KCNH7: variants seen among roughly 807,000 people sequenced by gnomAD.
The protein encoded by KCNH7 is voltage-gated inwardly rectifying potassium channel KCNH7.
A neutral mutation model predicts 120.8 loss-of-function variants in KCNH7; 49 were observed. That is an observed-to-expected ratio of 0.41 (90% CI 0.32 to 0.51). The LOEUF is 0.51. KCNH7 is among the 20% of genes least tolerant of loss of function. The pLI, the probability that KCNH7 is intolerant of heterozygous loss-of-function variation, is 0.38. For synonymous variants in KCNH7, 547 were observed against 516.1 expected (o/e 1.06, Z -0.81); for missense variants, 1,097 against 1,446.6 (o/e 0.76, Z 3.92).
chr2:162,593,056 C>T (rs149975761), intron 2 of KCNH7, among the ~76,000 whole-genome samples: 1 of 152,010 alleles, frequency 6.6e-6, no homozygotes, highest in East Asian at 1.9e-4. Flanking sequence ...TGCCAAGGGC[C>T]AAAAAATAAA....
At chr2:162,780,415 C>G (rs1444393224) in intron 2 of KCNH7, among the ~76,000 whole-genome samples, 1 of 152,122 alleles carries the variant, frequency 6.6e-6, no homozygotes, top group Non-Finnish European at 1.5e-5. Flanking sequence ...TAATCATTTA[C>G]TACCACTACA....
At chr2:162,584,187 G>A (rs1693957565) in intron 2 of KCNH7, among the ~76,000 whole-genome samples, 1 of 152,000 alleles carries the variant, frequency 6.6e-6, no homozygotes, top group Non-Finnish European at 1.5e-5. Flanking sequence ...CAGGTGTATA[G>A]GCCTCTAATA....
intron 2 of KCNH7, among the ~76,000 whole-genome samples, chr2:162,593,314 GATA>G (rs1694274568): frequency 2.0e-5 from 3 of 152,064 alleles, no homozygotes; most frequent in Admixed American, 6.6e-5. Context: ...GTATAGTGGG[GATA>G]ATAATATAGG....
chr2:162,755,529 T>C (rs1688760132), intron 2 of KCNH7, among the ~76,000 whole-genome samples: 1 of 152,032 alleles, frequency 6.6e-6, no homozygotes, highest in Non-Finnish European at 1.5e-5. Flanking sequence ...TTATTTAATG[T>C]AGTTTGTTTA....
chr2:162,400,796 T>C (rs1687044524), intron 9 of KCNH7, among the ~76,000 whole-genome samples: 2 of 151,912 alleles, frequency 1.3e-5, no homozygotes, highest in African/African-American at 4.8e-5. Flanking sequence ...ACGTAACTAA[T>C]GAAAGGTGGT....
intron 7 of KCNH7, among the ~76,000 whole-genome samples, chr2:162,442,297 A>G (rs1688448508): frequency 6.6e-6 from 1 of 151,754 alleles, no homozygotes; most frequent in African/African-American, 2.4e-5. Flanking sequence ...AAGTGCTGGG[A>G]TTACAGGCGT....
At chr2:162,518,289 G>T in intron 3 of KCNH7, 131 bp from the exon 4 acceptor site, 2 of 691,740 alleles carry the variant, frequency 2.9e-6, no homozygotes, top group Non-Finnish European at 4.7e-6. Context: ...AGTTGGAATA[G>T]AGGATATTGT....
At chr2:162,399,457 GGT>G in intron 10 of KCNH7, among the ~76,000 whole-genome samples, 1 of 151,466 alleles carries the variant, frequency 6.6e-6, no homozygotes, top group East Asian at 2.0e-4. Flanking sequence ...GTGCCATGTT[GGT>G]GTGCTGCACC....
chr2:162,582,166 G>A (rs1359669798), intron 2 of KCNH7, among the ~76,000 whole-genome samples: 1 of 152,092 alleles, frequency 6.6e-6, no homozygotes, highest in Non-Finnish European at 1.5e-5. Context: ...TGCTGGAATA[G>A]GATGTAAGAC....
At position 162,644,828 on chromosome 2, in the gene KCNH7, G is replaced by A. The variant is rs556710837; in HGVS notation, c.308-107748C>T. Among the ~76,000 whole-genome samples the A allele has an allele frequency of 4.6e-5, 7 of 152,182 alleles. No homozygotes were observed. The East Asian group carries it at 1.4e-3, about 29-fold the overall frequency. On this transcript the variant is annotated intron_variant, in intron 2 of 15. Transcript: ENST00000332142. ...AAACCTTTAAACCTCCTTACAGCAA[G>A]TGAAGACTATATTTAACACACTGCT...
chr2:162,529,653 T>A (rs529500762), intron 3 of KCNH7, among the ~76,000 whole-genome samples: 1 of 151,980 alleles, frequency 6.6e-6, no homozygotes, highest in Non-Finnish European at 1.5e-5. Context: ...CAAGAATGCA[T>A]AATTTGTTTC....
At chr2:162,737,746 G>A (rs1687967199) in intron 2 of KCNH7, among the ~76,000 whole-genome samples, 1 of 152,126 alleles carries the variant, frequency 6.6e-6, no homozygotes, top group Admixed American at 6.6e-5. Context: ...GCCAAGCACA[G>A]GATGATACAG....
chr2:162,458,400 A>T (rs1277387313), intron 6 of KCNH7, among the ~76,000 whole-genome samples: 1 of 152,114 alleles, frequency 6.6e-6, no homozygotes, highest in African/African-American at 2.4e-5. Context: ...CCCACCAGCA[A>T]CATAATGCCT....
At chr2:162,475,681 T>A (rs1196178715) in intron 6 of KCNH7, among the ~76,000 whole-genome samples, 1 of 152,166 alleles carries the variant, frequency 6.6e-6, no homozygotes, top group Non-Finnish European at 1.5e-5. Context: ...CTATGTATTA[T>A]CCCCCAAATA....
intron 2 of KCNH7, among the ~76,000 whole-genome samples, chr2:162,547,145 T>C (rs1196365882): frequency 1.3e-5 from 2 of 152,088 alleles, no homozygotes; most frequent in Admixed American, 6.5e-5. Context: ...GGAGGAAAAC[T>C]ACCATTTATA....
intron 2 of KCNH7, among the ~76,000 whole-genome samples, chr2:162,715,888 T>A (rs186065509): frequency 2.0e-5 from 3 of 152,152 alleles, no homozygotes; most frequent in African/African-American, 7.2e-5. Context: ...ATGTATAGAT[T>A]AATTTGGGTT....
intron 6 of KCNH7, among the ~76,000 whole-genome samples, chr2:162,484,141 A>T (rs184689408): frequency 4.6e-5 from 7 of 152,198 alleles, no homozygotes; most frequent in Admixed American, 4.6e-4. Context: ...AGCAGTTTTG[A>T]TATTGGGAAG....
At chr2:162,633,319 C>T (rs1416049635) in intron 2 of KCNH7, among the ~76,000 whole-genome samples, 3 of 151,824 alleles carry the variant, frequency 2.0e-5, no homozygotes, top group Admixed American at 2.0e-4. Context: ...TTACATGTGC[C>T]TCAGCCACCA....
chr2:162,500,291 C>CATGTATATTATATATACACACATAAT (rs1355975715), intron 6 of KCNH7, among the ~76,000 whole-genome samples: 3,594 of 146,244 alleles, frequency 0.025, 130 homozygotes, highest in South Asian at 0.091. Flanking sequence ...TAATATATAA[C>CATGTATATTATATATACACACATAAT]ATGTATATTA....
Sources: gnomAD v4.1 joint callset for allele counts (sites outside exome capture counted in the v4.1 genomes callset) on GRCh38, gnomAD v4.1.1 for gene constraint, MANE v1.5 for transcripts, NCBI Gene and HGNC (gene_info 2026-07-23, HGNC 2026-07-21) for gene names.